The following RSPO2 variants were observed in gnomAD, a reference collection of about 807,000 sequenced individuals.
RSPO2 encodes R-spondin 2, also known as R-spondin-2.
Under a neutral mutation model 30.9 loss-of-function variants are expected in RSPO2, and 14 were observed. The observed-to-expected ratio is 0.45, with a 90% CI of 0.30 to 0.71. The LOEUF is 0.71. Among genes scored for constraint, RSPO2 ranks in the 30% least tolerant of loss-of-function variants. The probability of loss-of-function intolerance (pLI) is 0.08; values close to 1 mark genes in which losing one functional copy is unlikely to be tolerated. For missense variants in RSPO2, 264 were observed against 301.9 expected, an observed-to-expected ratio of 0.87 and a Z score of 0.93; for synonymous variants, 107 against 96.4, an observed-to-expected ratio of 1.11 and a Z score of -0.64.
chr8:108,044,704 T>C (rs1300274037), intron 2 of RSPO2, among the ~76,000 whole-genome samples: 2 of 152,144 alleles, frequency 1.3e-5, no homozygotes, highest in African/African-American at 4.8e-5. Context: ...GTAGTTATTT[T>C]TCTTTGGGTA....
At chr8:108,041,074 A>G (rs1256033473) in intron 2 of RSPO2, among the ~76,000 whole-genome samples, 2 of 152,114 alleles carry the variant, frequency 1.3e-5, no homozygotes, top group African/African-American at 4.8e-5. Context: ...TCCAGCATCA[A>G]AGGAAAATGC....
chr8:108,027,743 A>G (rs1044230499), intron 2 of RSPO2, among the ~76,000 whole-genome samples: 1 of 152,182 alleles, frequency 6.6e-6, no homozygotes, highest in Non-Finnish European at 1.5e-5. Context: ...ATCTTTCTCA[A>G]AAAGAAAATA....
At chr8:108,074,009 T>C (rs1812932771) in intron 2 of RSPO2, among the ~76,000 whole-genome samples, 1 of 152,230 alleles carries the variant, frequency 6.6e-6, no homozygotes, top group Admixed American at 6.5e-5. Flanking sequence ...TGGACCTCTT[T>C]GAGACTTTAG....
intron 5 of RSPO2, among the ~76,000 whole-genome samples, chr8:107,921,290 AC>A (rs1431543834): frequency 6.6e-6 from 1 of 151,636 alleles, no homozygotes; most frequent in Non-Finnish European, 1.5e-5. Context: ...ACACACACAC[AC>A]ACACACACAC....
At chr8:108,020,777 A>G (rs561726232) in intron 2 of RSPO2, among the ~76,000 whole-genome samples, 1 of 152,270 alleles carries the variant, frequency 6.6e-6, no homozygotes, top group South Asian at 2.1e-4. Context: ...TGATACTCTA[A>G]TCACTTATAA....
chr8:108,056,379 G>C (rs977559869), intron 2 of RSPO2, among the ~76,000 whole-genome samples: 2 of 151,934 alleles, frequency 1.3e-5, no homozygotes, highest in Admixed American at 1.3e-4. Flanking sequence ...AGCACTTTGG[G>C]AGGCCAAAGC....
chr8:108,008,789 A>AAAAT (rs1554581515), intron 2 of RSPO2, among the ~76,000 whole-genome samples: 2 of 145,768 alleles, frequency 1.4e-5, no homozygotes, highest in Non-Finnish European at 3.0e-5. Flanking sequence ...ATAAACTGCA[A>AAAAT]AAAAAAAAAA....
At chr8:107,927,760 G>C (rs767073327) in intron 5 of RSPO2, among the ~76,000 whole-genome samples, 43 of 152,262 alleles carry the variant, frequency 2.8e-4, no homozygotes, top group Non-Finnish European at 4.6e-4. Context: ...CTTGATCATG[G>C]TGGATAAGCT....
chr8:108,056,396 ATC>A (rs1347196966), intron 2 of RSPO2, among the ~76,000 whole-genome samples: 1 of 151,696 alleles, frequency 6.6e-6, no homozygotes, highest in Non-Finnish European at 1.5e-5. Context: ...AAGCAGGCAG[ATC>A]GCTTGAGCTC....
At chr8:108,015,501 T>C (rs1810858708) in intron 2 of RSPO2, among the ~76,000 whole-genome samples, 1 of 152,162 alleles carries the variant, frequency 6.6e-6, no homozygotes, top group African/African-American at 2.4e-5. Flanking sequence ...CCCTCTGCTC[T>C]GGACTAGGCC....
intron 2 of RSPO2, among the ~76,000 whole-genome samples, chr8:108,024,968 G>A (rs1413047029): frequency 1.3e-5 from 2 of 152,086 alleles, no homozygotes; most frequent in Non-Finnish European, 2.9e-5. Flanking sequence ...GCAGCGAGCC[G>A]AGATCATGCC....
At chr8:108,080,467 A>G (rs2130740080) in intron 2 of RSPO2, among the ~76,000 whole-genome samples, 1 of 152,326 alleles carries the variant, frequency 6.6e-6, no homozygotes, top group Non-Finnish European at 1.5e-5. Context: ...TTAGACTGTC[A>G]GTGCTTTGGG....
intron 2 of RSPO2, chr8:108,072,999 C>T (rs1357471972): frequency 6.6e-6 from 1 of 152,084 alleles, no homozygotes; most frequent in Non-Finnish European, 1.5e-5. Flanking sequence ...TGATGTTTTT[C>T]AAAGTGGCTG....
intron 5 of RSPO2, among the ~76,000 whole-genome samples, chr8:107,914,833 T>C (rs1403367603): frequency 1.3e-5 from 2 of 152,178 alleles, no homozygotes; most frequent in Admixed American, 1.3e-4. Flanking sequence ...TAGGTGCCTT[T>C]ATGTGTTTTC....
intron 5 of RSPO2, among the ~76,000 whole-genome samples, chr8:107,904,238 G>A (rs1449884098): frequency 5.9e-5 from 9 of 151,708 alleles, no homozygotes; most frequent in Non-Finnish European, 5.9e-5. Flanking sequence ...TATGCTATAC[G>A]GGAAGTATTT....
intron 2 of RSPO2, among the ~76,000 whole-genome samples, chr8:108,066,685 T>C (rs373669372): frequency 6.6e-6 from 1 of 152,154 alleles, no homozygotes; most frequent in East Asian, 1.9e-4. Context: ...TTGTGTTTCA[T>C]AGTACAAAAA....
rs1403396717 is a variant in RSPO2, at chr8:107,899,355, G to GTT, written c.*1719_*1720insAA. On this transcript the variant is annotated 3_prime_UTR_variant, in exon 6 of 6. Coordinates refer to ENST00000276659, the MANE Select transcript of RSPO2 (RefSeq NM_178565.5). ...TTAATGCACAAAAAAGAACATCCCAGGAACAACAGGTATTGACTTATTAAC... is the reference window on the plus strand; with the variant it reads ...TTAATGCACAAAAAAGAACATCCCAGTTGAACAACAGGTATTGACTTATTAAC... 3.9e-5 allele frequency: 6 copies of GTT among 152,652 alleles called. No individual in the cohort carries two copies. The East Asian group carries it at 1.2e-3, about 29-fold the overall frequency. The allele number at this position is 152,652 out of a possible 1,614,324, so 9.5% of individuals were successfully genotyped here.
intron 2 of RSPO2, among the ~76,000 whole-genome samples, chr8:108,033,049 CAAAAAAAAAAAAAAA>C (rs35774922): frequency 4.4e-5 from 3 of 68,766 alleles, no homozygotes; most frequent in East Asian, 1.6e-3. Flanking sequence ...GACTCTGTCT[CAAAAAAAAAAAAAAA>C]AAAAAAAAAA....
chr8:107,921,854 AC>A (rs1248759863), intron 5 of RSPO2, among the ~76,000 whole-genome samples: 1 of 152,100 alleles, frequency 6.6e-6, no homozygotes, highest in Non-Finnish European at 1.5e-5. Context: ...ATACAAAAAA[AC>A]ACATGATTAC....
Sources: allele counts gnomAD v4.1 joint callset (sites outside exome capture counted in the v4.1 genomes callset), GRCh38; gene constraint gnomAD v4.1.1; transcripts MANE v1.5; gene names NCBI Gene and HGNC (gene_info 2026-07-23, HGNC 2026-07-21).